The following RBFOX1 variants were observed in gnomAD, a reference collection of about 807,000 sequenced individuals.
The protein encoded by RBFOX1 is RNA binding fox-1 homolog 1.
A neutral mutation model predicts 57.7 loss-of-function variants in RBFOX1; 8 were observed. The ratio of observed to expected loss-of-function variants is 0.14; its 90% CI spans 0.08 to 0.25. The LOEUF (loss-of-function observed/expected upper bound fraction) is 0.25. Ranked by LOEUF, RBFOX1 falls within the 10% of genes least tolerant of loss-of-function variation. The probability of loss-of-function intolerance (pLI) is 1.00; values close to 1 mark genes in which losing one functional copy is unlikely to be tolerated. For synonymous variants in RBFOX1, 326 were observed against 222.4 expected, an observed-to-expected ratio of 1.47 and a Z score of -4.15; for missense variants, 611 against 548.5, an observed-to-expected ratio of 1.11 and a Z score of -1.14.
intron 4 of RBFOX1, among the ~76,000 whole-genome samples, chr16:7,196,968 C>A (rs761125860): frequency 1.3e-5 from 2 of 152,172 alleles, no homozygotes; most frequent in Non-Finnish European, 2.9e-5. Flanking sequence ...GTGGTCTAAT[C>A]TTTGCACGCA....
chr16:5,617,125 C>A (rs1300822805), intron 3 of RBFOX1, among the ~76,000 whole-genome samples: 1 of 151,882 alleles, frequency 6.6e-6, no homozygotes, highest in Admixed American at 6.6e-5. Flanking sequence ...GTCCGTCCCT[C>A]CCTCCCTCAT....
At chr16:6,545,942 C>T (rs2096888669) in intron 2 of RBFOX1, among the ~76,000 whole-genome samples, 1 of 152,232 alleles carries the variant, frequency 6.6e-6, no homozygotes. Flanking sequence ...TCTCTGTGTA[C>T]TGTTGTCTAA....
intron 3 of RBFOX1, among the ~76,000 whole-genome samples, chr16:7,035,502 C>T (rs1022911790): frequency 1.3e-5 from 2 of 152,272 alleles, no homozygotes; most frequent in Admixed American, 6.5e-5. Flanking sequence ...AGCGCATTTG[C>T]AGAATTTAAT....
At chr16:6,236,441 T>C (rs1266236617) in intron 1 of RBFOX1, among the ~76,000 whole-genome samples, 2 of 148,588 alleles carry the variant, frequency 1.3e-5, no homozygotes, top group African/African-American at 4.9e-5. Context: ...TGATGTTTAT[T>C]TTTTTTTTTT....
At chr16:5,725,815 A>C (rs1313950312) in intron 3 of RBFOX1, among the ~76,000 whole-genome samples, 1 of 151,868 alleles carries the variant, frequency 6.6e-6, no homozygotes, top group Non-Finnish European at 1.5e-5. Context: ...CTGTTCTAGG[A>C]TGCCAGCTCT....
intron 4 of RBFOX1, among the ~76,000 whole-genome samples, chr16:7,247,087 C>T (rs1020483471): frequency 1.1e-4 from 17 of 152,154 alleles, no homozygotes; most frequent in African/African-American, 4.1e-4. Flanking sequence ...TTAGGCTGCA[C>T]TCAGTCATGT....
chr16:7,247,401 C>T (rs1030493745), intron 4 of RBFOX1, among the ~76,000 whole-genome samples: 1 of 152,118 alleles, frequency 6.6e-6, no homozygotes, highest in African/African-American at 2.4e-5. Flanking sequence ...GGAGCAAATA[C>T]TCCTCTATGG....
chr16:6,631,137 T>G (rs1428756357), intron 2 of RBFOX1, among the ~76,000 whole-genome samples: 1 of 151,894 alleles, frequency 6.6e-6, no homozygotes, highest in African/African-American at 2.4e-5. Flanking sequence ...AAAAGGCAGA[T>G]AGAAAATTTA....
At chr16:6,621,473 A>AAC (rs2098230562) in intron 2 of RBFOX1, among the ~76,000 whole-genome samples, 1 of 151,442 alleles carries the variant, frequency 6.6e-6, no homozygotes, top group Non-Finnish European at 1.5e-5. Flanking sequence ...CAAAACAAAC[A>AAC]AACAACAACA....
intron 3 of RBFOX1, among the ~76,000 whole-genome samples, chr16:6,703,069 G>A (rs2062103734): frequency 6.6e-6 from 1 of 152,150 alleles, no homozygotes; most frequent in Non-Finnish European, 1.5e-5. Context: ...GGTTTATGTT[G>A]TAGTGTGTTA....
chr16:7,354,385 G>GT (rs531882789), intron 4 of RBFOX1, among the ~76,000 whole-genome samples: 166 of 152,294 alleles, frequency 1.1e-3, no homozygotes, highest in African/African-American at 3.9e-3. Context: ...TTTGTTGAAG[G>GT]TGTTTGCTGT....
At chr16:6,955,937 C>T (rs77443308) in intron 3 of RBFOX1, among the ~76,000 whole-genome samples, 23,304 of 151,966 alleles carry the variant, frequency 0.15, 2,094 homozygotes, top group South Asian at 0.23. Flanking sequence ...AACTCCTGTC[C>T]GCAGGTGATC....
chr16:6,300,199 A>T (rs559276645), intron 1 of RBFOX1, among the ~76,000 whole-genome samples: 1 of 152,320 alleles, frequency 6.6e-6, no homozygotes, highest in Non-Finnish European at 1.5e-5. Context: ...AGAGGGGAGG[A>T]AATGGGGAGA....
intron 2 of RBFOX1, among the ~76,000 whole-genome samples, chr16:5,535,242 T>G (rs574726054): frequency 6.6e-6 from 1 of 152,316 alleles, no homozygotes; most frequent in Non-Finnish European, 1.5e-5. Context: ...TTTACTGCAA[T>G]GAACAGCTCA....
chr16:6,462,801 A>C (rs1423748000), intron 2 of RBFOX1, among the ~76,000 whole-genome samples: 1 of 151,856 alleles, frequency 6.6e-6, no homozygotes, highest in Non-Finnish European at 1.5e-5. Context: ...AAAAGTATTG[A>C]GTATACACAT....
intron 1 of RBFOX1, among the ~76,000 whole-genome samples, chr16:5,326,937 A>C (rs949956290): frequency 2.6e-5 from 4 of 152,214 alleles, no homozygotes; most frequent in African/African-American, 9.6e-5. Flanking sequence ...GCACTGTCCT[A>C]GGAACTGAGG....
At position 7,140,157 on chromosome 16, in the gene RBFOX1, C is replaced by CCTCTCTCTCTCTCT. The variant is rs57128710; in HGVS notation, c.27+88083_27+88096dup. ...CATTCTCTTATTCTCTCCTTCTCTC[C>CCTCTCTCTCTCTCT]CTCTCTCTCTCTCTCTCTCTCTCTC... On this transcript the variant is annotated intron_variant, in intron 4 of 15. Transcript: ENST00000550418. Among the ~76,000 whole-genome samples, 278 of 70,856 alleles carry CCTCTCTCTCTCTCT rather than the reference C, an allele frequency of 3.9e-3. 7 individuals are homozygous for CCTCTCTCTCTCTCT. Among genetic ancestry groups the CCTCTCTCTCTCTCT allele is most frequent in the Non-Finnish European group, 4.8e-3 (176 of 36,892 alleles). The allele number at this position is 70,856 out of a possible 152,430, so 46.5% of individuals were successfully genotyped here. A position where few individuals can be genotyped will look rare whatever the true frequency, so the allele number is the denominator to read the frequency against.
At chr16:5,799,618 T>C (rs1318810422) in intron 3 of RBFOX1, among the ~76,000 whole-genome samples, 1 of 152,198 alleles carries the variant, frequency 6.6e-6, no homozygotes, top group Non-Finnish European at 1.5e-5. Context: ...GGCTTTGTGT[T>C]AGGTGATTTT....
chr16:5,276,911 C>G (rs1036773092), intron 1 of RBFOX1, among the ~76,000 whole-genome samples: 2 of 152,178 alleles, frequency 1.3e-5, no homozygotes, highest in Admixed American at 1.3e-4. Flanking sequence ...AAAAGTACAT[C>G]TACCATTTGA....
Sources: allele counts gnomAD v4.1 joint callset (sites outside exome capture counted in the v4.1 genomes callset), GRCh38; gene constraint gnomAD v4.1.1; transcripts MANE v1.5; gene names NCBI Gene and HGNC (gene_info 2026-07-23, HGNC 2026-07-21).